Variants in TGM3 observed in about 807,000 individuals in gnomAD.
The protein encoded by TGM3 is protein-glutamine gamma-glutamyltransferase E.
Under a neutral mutation model 73.8 loss-of-function variants are expected in TGM3, and 52 were observed. The observed-to-expected ratio is 0.70, with a 90% CI of 0.56 to 0.89. The LOEUF is 0.89. Ranked by LOEUF, TGM3 falls within the 40% of genes least tolerant of loss-of-function variation. TGM3 has a pLI of 0.00. For missense variants in TGM3, 928 were observed against 909.9 expected (o/e 1.02, Z -0.26); for synonymous variants, 372 against 354.9 (o/e 1.05, Z -0.54).
At chr20:2,339,420 T>A (rs1204181789) in intron 11 of TGM3, among the ~76,000 whole-genome samples, 1 of 152,152 alleles carries the variant, frequency 6.6e-6, no homozygotes, top group Non-Finnish European at 1.5e-5. Flanking sequence ...GAAGATCACT[T>A]GAGGCCAGGA....
Position 2,332,988 on chromosome 20 carries a change from C to T in TGM3, c.1642+678C>T, listed in dbSNP as rs953795817. Among the ~76,000 whole-genome samples the T allele has an allele frequency of 2.0e-5, 3 of 152,184 alleles. No homozygotes were observed. Among genetic ancestry groups the T allele is most frequent in the Admixed American group, 1.3e-4 (2 of 15,274 alleles). On this transcript the variant is annotated intron_variant, in intron 10 of 12. Coordinates refer to ENST00000381458, the MANE Select transcript of TGM3 (RefSeq NM_003245.4). The surrounding 1 kb of genome is among the most constrained non-coding windows in gnomAD (Gnocchi z 4.4). ...TAGAAGTCTGAGCGTTTGGGAGGAA[C>T]AGTGACTCCTTGCCCTTGGGTAGCA...
intron 3 of TGM3, 85 bp from the exon 4 acceptor site, chr20:2,310,926 G>C (rs1167194259): frequency 8.0e-7 from 1 of 1,255,290 alleles, no homozygotes; most frequent in Non-Finnish European, 1.2e-6. Flanking sequence ...CCCCAGGCCG[G>C]TTCAGGAGTG....
intron 9 of TGM3, among the ~76,000 whole-genome samples, 189 bp from the exon 10 acceptor site, chr20:2,331,813 G>A (rs1004038755): frequency 3.9e-5 from 6 of 152,216 alleles, no homozygotes; most frequent in East Asian, 1.9e-4. Flanking sequence ...TTAGAAAAGC[G>A]CCAGAGACCA....
rs1175052787 is a variant in TGM3 at position 2,328,487 on chromosome 20, T to C, written c.1333+122T>C. ...CTGGCAGCCAGTTCTGCCTGAATGA[T>C]AGGATTGCTCCCTAGCACCTAACAT... is the stretch of plus-strand genomic sequence containing the variant. On this transcript the variant is annotated intron_variant, in intron 9 of 12. Transcript: ENST00000381458. The surrounding 1 kb of genome is among the most constrained non-coding windows in gnomAD (Gnocchi z 5.2). 2 of 1,368,678 alleles carry C rather than the reference T, an allele frequency of 1.5e-6. No homozygotes were observed. The highest frequency in any genetic ancestry group is 2.0e-6 in the Non-Finnish European group (2 of 1,005,416). The allele number at this position is 1,368,678 out of a possible 1,614,324, so 84.8% of individuals were successfully genotyped here.
chr20:2,324,343 A>G (rs2084276084), intron 7 of TGM3, among the ~76,000 whole-genome samples: 1 of 152,030 alleles, frequency 6.6e-6, no homozygotes, highest in Non-Finnish European at 1.5e-5. Flanking sequence ...GACAATTCCA[A>G]CATCTGGATT....
At chr20:2,340,335 C>A in intron 12 of TGM3, 99 bp from the exon 13 acceptor site, 1 of 1,529,064 alleles carries the variant, frequency 6.5e-7, no homozygotes, top group South Asian at 1.2e-5. Context: ...AGTGGCCTTG[C>A]CCAGCCTCCA....
intron 5 of TGM3, among the ~76,000 whole-genome samples, chr20:2,315,480 A>G (rs1289827697): frequency 1.3e-5 from 2 of 152,130 alleles, no homozygotes; most frequent in East Asian, 3.9e-4. Context: ...GGGGTGCAGA[A>G]CTCACTACTG....
intron 11 of TGM3, 30 bp downstream of exon 11, chr20:2,335,303 G>A (rs2084343746): frequency 6.2e-7 from 1 of 1,612,296 alleles, no homozygotes; most frequent in Non-Finnish European, 8.5e-7. Context: ...TGTGGGAAGG[G>A]GTTCTGCCCC....
intron 6 of TGM3, 41 bp downstream of exon 6, chr20:2,317,286 G>T: frequency 6.2e-7 from 1 of 1,613,698 alleles, no homozygotes; most frequent in Non-Finnish European, 8.5e-7. Context: ...TCAGTGGGTG[G>T]CAGTGGGCTA....
chr20:2,331,175 C>T (rs1330705393), intron 9 of TGM3, among the ~76,000 whole-genome samples: 2 of 152,062 alleles, frequency 1.3e-5, no homozygotes, highest in Non-Finnish European at 2.9e-5. Context: ...CCTGGAAGGT[C>T]AACACCTTCT....
intron 8 of TGM3, among the ~76,000 whole-genome samples, chr20:2,327,468 C>A (rs908025667): frequency 1.3e-5 from 2 of 152,114 alleles, no homozygotes; most frequent in Non-Finnish European, 2.9e-5. Context: ...CAGAGCACGA[C>A]TGCATCTCAA....
intron 11 of TGM3, 150 bp from the exon 12 acceptor site, chr20:2,339,704 G>A: frequency 1.0e-6 from 1 of 992,954 alleles, no homozygotes; most frequent in African/African-American, 1.6e-5. Context: ...GACACAATGT[G>A]CCTGGCACCT....
chr20:2,307,127 C>T (rs1206604101), intron 1 of TGM3, among the ~76,000 whole-genome samples: 1 of 152,174 alleles, frequency 6.6e-6, no homozygotes. Flanking sequence ...TTAATTTATT[C>T]TTTCAATGAA....
chr20:2,300,527 C>T (rs2084139969), intron 1 of TGM3, among the ~76,000 whole-genome samples: 1 of 152,150 alleles, frequency 6.6e-6, no homozygotes, highest in Non-Finnish European at 1.5e-5. Flanking sequence ...GTGTCTAAGT[C>T]ATTGCTGCCT....
At chr20:2,317,323 A>G (rs1383519363) in intron 6 of TGM3, 27 bp from the exon 7 acceptor site, 8 of 1,614,018 alleles carry the variant, frequency 5.0e-6, no homozygotes, top group South Asian at 1.1e-5. Context: ...CCACCACCTG[A>G]GTCCTCACGC....
intron 7 of TGM3, among the ~76,000 whole-genome samples, chr20:2,325,323 G>A (rs1408410707): frequency 6.6e-6 from 1 of 152,110 alleles, no homozygotes; most frequent in African/African-American, 2.4e-5. Flanking sequence ...GAACATTTGA[G>A]GACTGGCAGG....
intron 7 of TGM3, among the ~76,000 whole-genome samples, chr20:2,322,635 T>C (rs1355713126): frequency 6.6e-6 from 1 of 152,250 alleles, no homozygotes; most frequent in African/African-American, 2.4e-5. Flanking sequence ...CTCTGCTTAA[T>C]TACTCACTGT....
chr20:2,335,018 C>T, intron 10 of TGM3, 98 bp from the exon 11 acceptor site: 2 of 1,473,414 alleles, frequency 1.4e-6, no homozygotes, highest in Non-Finnish European at 1.9e-6. Context: ...CAGATCCTCC[C>T]ACCAGCTCAC....
chr20:2,317,321 T>G, intron 6 of TGM3, 29 bp from the exon 7 acceptor site: 1 of 1,614,170 alleles, frequency 6.2e-7, no homozygotes, highest in Non-Finnish European at 8.5e-7. Flanking sequence ...CTCCACCACC[T>G]GAGTCCTCAC....
Sources: allele counts gnomAD v4.1 joint callset (sites outside exome capture counted in the v4.1 genomes callset), GRCh38; gene constraint gnomAD v4.1.1; non-coding constraint Gnocchi (gnomAD v3.1); transcripts MANE v1.5; gene names NCBI Gene and HGNC (gene_info 2026-07-23, HGNC 2026-07-21).